FHOD3: variants seen among roughly 807,000 people sequenced by gnomAD.
FHOD3 encodes formin homology 2 domain containing 3, also known as FH1/FH2 domain-containing protein 3.
In FHOD3, 90 loss-of-function variants were observed where a neutral mutation model predicts 173.0. The observed-to-expected ratio is 0.52, with a 90% CI of 0.44 to 0.62. The LOEUF is 0.62. Ranked by LOEUF, FHOD3 falls within the 20% of genes least tolerant of loss-of-function variation. The pLI, the probability that FHOD3 is intolerant of heterozygous loss-of-function variation, is 0.00. For synonymous variants in FHOD3, 828 were observed against 823.0 expected, an observed-to-expected ratio of 1.01 and a Z score of -0.10; for missense variants, 1,945 against 2,034.7, an observed-to-expected ratio of 0.96 and a Z score of 0.85.
chr18:36,432,055 A>C (rs951829442), intron 3 of FHOD3, among the ~76,000 whole-genome samples: 1 of 152,220 alleles, frequency 6.6e-6, no homozygotes, highest in Non-Finnish European at 1.5e-5. Flanking sequence ...CTTTTCAGTA[A>C]TCATAGCTTT....
chr18:36,671,422 T>A (rs375206928), intron 14 of FHOD3, among the ~76,000 whole-genome samples: 122 of 152,368 alleles, frequency 8.0e-4, no homozygotes, highest in African/African-American at 2.6e-3. Flanking sequence ...GTTTCATAGA[T>A]TTTTTCTGGT....
At chr18:36,772,694 G>A (rs538710663) in intron 28 of FHOD3, among the ~76,000 whole-genome samples, 2 of 152,260 alleles carry the variant, frequency 1.3e-5, no homozygotes, top group Non-Finnish European at 1.5e-5. Flanking sequence ...CAAGGGCCTC[G>A]TAATAGATTC....
At chr18:36,506,177 T>A (rs567251764) in intron 4 of FHOD3, among the ~76,000 whole-genome samples, 15 of 152,364 alleles carry the variant, frequency 9.8e-5, no homozygotes, top group African/African-American at 3.4e-4. Flanking sequence ...ACTTCATTAA[T>A]TTAGGATATC....
intron 3 of FHOD3, among the ~76,000 whole-genome samples, chr18:36,486,833 A>G (rs1266861151): frequency 6.6e-6 from 1 of 152,228 alleles, no homozygotes; most frequent in African/African-American, 2.4e-5. Flanking sequence ...CAATCCAGGC[A>G]AGCACTGGTC....
chr18:36,532,175 T>G (rs2056810429), intron 5 of FHOD3, among the ~76,000 whole-genome samples: 1 of 152,216 alleles, frequency 6.6e-6, no homozygotes, highest in Non-Finnish European at 1.5e-5. Flanking sequence ...AACCGTAATT[T>G]GGAACATCAG....
intron 23 of FHOD3, among the ~76,000 whole-genome samples, chr18:36,745,982 A>AT (rs1223267770): frequency 6.7e-6 from 1 of 150,256 alleles, no homozygotes; most frequent in Non-Finnish European, 1.5e-5. Flanking sequence ...CCACTTACCT[A>AT]TTTCTTCCTC....
At position 36,748,382 on chromosome 18, in the gene FHOD3, A is replaced by ACAACAC. The variant is rs1555836081; in HGVS notation, c.4232+1247_4232+1248insCAACAC. Among the ~76,000 whole-genome samples, 10 of 143,570 alleles carry ACAACAC rather than the reference A, an allele frequency of 7.0e-5. No homozygotes were observed. The East Asian group carries it at 8.3e-4, about 12-fold the overall frequency. 94.2% of individuals were successfully genotyped at this position (143,570 alleles called of 152,430 possible). A position where few individuals can be genotyped will look rare whatever the true frequency, so the allele number is the denominator to read the frequency against. On this transcript the variant is annotated intron_variant, in intron 24 of 28. Transcript: ENST00000590592. ...CGCACGCGCACACACACACACACAC[A>ACAACAC]ACACACACACACACACACACACACA...
In FHOD3 at chr18:36,693,405, A is replaced by G; in HGVS notation, c.2218A>G (p.Thr740Ala). 6.2e-7 allele frequency: 1 copy of G among 1,613,720 alleles called. No individual in the cohort carries two copies. The highest frequency in any genetic ancestry group is 8.5e-7 in the Non-Finnish European group (1 of 1,179,800). ...ALTVSASSPG[T>A]PHHPQASAGD... ...CACGGTGTCTGCCTCCTCCCCAGGAACCCCTCACCATCCCCAAGGTGAGTA... is the reference window on the plus strand; with the variant it reads ...CACGGTGTCTGCCTCCTCCCCAGGAGCCCCTCACCATCCCCAAGGTGAGTA... The change falls in exon 17 of 29, where the codon ACC (threonine) becomes GCC (alanine). Residue 740 changes from threonine (T) to alanine (A), a missense_variant. Transcript: ENST00000590592.
chr18:36,550,243 C>CATATATAT (rs371573246), intron 5 of FHOD3, among the ~76,000 whole-genome samples: 2,023 of 120,630 alleles, frequency 0.017, 51 homozygotes, highest in East Asian at 0.041. Context: ...AGTGGTAGAC[C>CATATATAT]ATATATATAT....
intron 8 of FHOD3, among the ~76,000 whole-genome samples, chr18:36,608,246 G>C (rs752813370): frequency 3.3e-5 from 5 of 152,230 alleles, no homozygotes; most frequent in African/African-American, 7.2e-5. Flanking sequence ...TCTTGAGGCT[G>C]GGAGTCCAAT....
chr18:36,704,460 C>G (rs1049007065), intron 17 of FHOD3, among the ~76,000 whole-genome samples: 1 of 152,210 alleles, frequency 6.6e-6, no homozygotes, highest in African/African-American at 2.4e-5. Flanking sequence ...AGTTCCCCTC[C>G]TCCCTTGCAC....
chr18:36,435,896 T>G (rs1025775004), intron 3 of FHOD3, among the ~76,000 whole-genome samples: 1 of 152,150 alleles, frequency 6.6e-6, no homozygotes, highest in Non-Finnish European at 1.5e-5. Context: ...TTGTACAGGA[T>G]AGTGTGTTCT....
At chr18:36,526,428 C>CTTTTTTT (rs35677759) in intron 5 of FHOD3, among the ~76,000 whole-genome samples, 1 of 150,304 alleles carries the variant, frequency 6.7e-6, no homozygotes. Context: ...CATAATTCAG[C>CTTTTTTT]TTTTTTTTTT....
At chr18:36,482,874 G>C (rs879858649) in intron 3 of FHOD3, among the ~76,000 whole-genome samples, 5,771 of 146,504 alleles carry the variant, frequency 0.039, 220 homozygotes, top group East Asian at 0.19. Context: ...GAGAGAGAGA[G>C]AGAGAGAGAG....
At chr18:36,473,412 TCAAA>T (rs2053390471) in intron 3 of FHOD3, among the ~76,000 whole-genome samples, 2 of 152,156 alleles carry the variant, frequency 1.3e-5, no homozygotes, top group African/African-American at 4.8e-5. Context: ...AGACTCCATC[TCAAA>T]CAAACAAACG....
intron 14 of FHOD3, among the ~76,000 whole-genome samples, chr18:36,671,758 T>C (rs1331156400): frequency 1.3e-5 from 2 of 152,204 alleles, no homozygotes; most frequent in Non-Finnish European, 2.9e-5. Context: ...TGTGTATTGA[T>C]GGCACTCAGA....
At chr18:36,489,317 C>A (rs886980213) in intron 3 of FHOD3, among the ~76,000 whole-genome samples, 10 of 152,234 alleles carry the variant, frequency 6.6e-5, no homozygotes, top group African/African-American at 2.2e-4. Flanking sequence ...AGCTGCAGGG[C>A]AGTGACAGCC....
intron 24 of FHOD3, among the ~76,000 whole-genome samples, chr18:36,750,660 C>G (rs961328055): frequency 6.6e-6 from 1 of 152,120 alleles, no homozygotes; most frequent in Admixed American, 6.5e-5. Context: ...CTAGAGATGA[C>G]TTTTGTATAT....
chr18:36,468,839 G>A (rs972784264), intron 3 of FHOD3, among the ~76,000 whole-genome samples: 9 of 152,144 alleles, frequency 5.9e-5, no homozygotes, highest in Admixed American at 2.0e-4. Flanking sequence ...ACCTCCAGCT[G>A]AGAGCTAGCA....
Sources: gnomAD v4.1 joint callset for allele counts (sites outside exome capture counted in the v4.1 genomes callset) on GRCh38, gnomAD v4.1.1 for gene constraint, MANE v1.5 for transcripts, NCBI Gene and HGNC (gene_info 2026-07-23, HGNC 2026-07-21) for gene names.